The following RASAL2 variants were observed in gnomAD, a reference collection of about 807,000 sequenced individuals.
RASAL2 encodes the protein RAS protein activator like 2.
RASAL2 carries 58 observed loss-of-function variants against 128.9 expected under a neutral mutation model. The ratio of observed to expected loss-of-function variants is 0.45; its 90% CI spans 0.36 to 0.56. The LOEUF is 0.56. RASAL2 is among the 20% of genes least tolerant of loss of function. The probability of loss-of-function intolerance (pLI) is 0.00; values close to 1 mark genes in which losing one functional copy is unlikely to be tolerated. For synonymous variants in RASAL2, 561 were observed against 580.8 expected, an observed-to-expected ratio of 0.97 and a Z score of 0.49; for missense variants, 1,360 against 1,601.6, an observed-to-expected ratio of 0.85 and a Z score of 2.57.
intron 1 of RASAL2, among the ~76,000 whole-genome samples, chr1:178,096,057 A>G (rs1658669735): frequency 6.6e-6 from 1 of 152,180 alleles, no homozygotes; most frequent in South Asian, 2.1e-4. Flanking sequence ...ATGCAAGGTC[A>G]CCCAGTTTGT....
intron 1 of RASAL2, among the ~76,000 whole-genome samples, chr1:178,278,035 T>G (rs781488718): frequency 6.6e-6 from 1 of 152,182 alleles, no homozygotes; most frequent in Non-Finnish European, 1.5e-5. Context: ...AGGGTGAGGT[T>G]GGAGCAAAAG....
intron 1 of RASAL2, among the ~76,000 whole-genome samples, chr1:178,250,869 T>G (rs1426178388): frequency 6.6e-6 from 1 of 152,212 alleles, no homozygotes; most frequent in Non-Finnish European, 1.5e-5. Context: ...TCAAATGTAC[T>G]TATTTTACAG....
intron 4 of RASAL2, among the ~76,000 whole-genome samples, chr1:178,398,832 A>G: frequency 6.6e-6 from 1 of 152,004 alleles, no homozygotes; most frequent in East Asian, 1.9e-4. Context: ...CCTCTCTTCA[A>G]ATTCATTCAT....
intron 1 of RASAL2, among the ~76,000 whole-genome samples, chr1:178,108,325 C>T (rs905236362): frequency 3.3e-5 from 5 of 152,092 alleles, no homozygotes; most frequent in Admixed American, 6.6e-5. Context: ...TAGATTGTCA[C>T]TGATGGTGTT....
chr1:178,211,173 C>T (rs778800340), intron 1 of RASAL2, among the ~76,000 whole-genome samples: 9 of 152,304 alleles, frequency 5.9e-5, no homozygotes, highest in Non-Finnish European at 1.2e-4. Flanking sequence ...ACCATGCTCA[C>T]TTCTCCAGAT....
Position 178,439,427 on chromosome 1 carries a change from G to C in RASAL2, c.680G>C (p.Arg227Pro), listed in dbSNP as rs762969560. The change falls in exon 6 of 18, where the codon CGT (arginine) becomes CCT (proline). Residue 227 changes from arginine to proline, a missense_variant. Arg to Pro is a moderately radical substitution (Grantham distance 103, BLOSUM62 -2). Transcript: ENST00000367649. Reference protein sequence around the residue: ...PSLRSTDDRSRGLPKLKESRS... With the variant: ...PSLRSTDDRSPGLPKLKESRS... The stretch of plus-strand genomic sequence containing the variant: ...ATATCTTTTTCTACTTTTAGGTCTC[G>C]TGGGCTGCCTAAACTAAAAGAGTCA... 1 of 1,604,150 alleles carries C rather than the reference G, an allele frequency of 6.2e-7. No individual in the cohort carries two copies. The highest frequency in any genetic ancestry group is 8.5e-7 in the Non-Finnish European group (1 of 1,176,174).
chr1:178,466,200 A>G, intron 16 of RASAL2, 78 bp downstream of exon 16: 4 of 1,406,044 alleles, frequency 2.8e-6, no homozygotes, highest in Non-Finnish European at 3.8e-6. Flanking sequence ...CCCTGAAGGA[A>G]TGGCAGCAAA....
At chr1:178,440,212 A>T (rs746015855) in intron 6 of RASAL2, among the ~76,000 whole-genome samples, 1 of 152,066 alleles carries the variant, frequency 6.6e-6, no homozygotes, top group Non-Finnish European at 1.5e-5. Flanking sequence ...GTATTTATAC[A>T]TACATAGAAT....
intron 4 of RASAL2, among the ~76,000 whole-genome samples, chr1:178,420,266 T>C (rs903296439): frequency 2.6e-5 from 4 of 152,200 alleles, no homozygotes; most frequent in Admixed American, 6.5e-5. Context: ...AATATAAACA[T>C]TAATAAATAA....
At chr1:178,252,718 GTCTGA>G in intron 1 of RASAL2, among the ~76,000 whole-genome samples, 1 of 152,258 alleles carries the variant, frequency 6.6e-6, no homozygotes, top group African/African-American at 2.4e-5. Flanking sequence ...TTAGAAAAGG[GTCTGA>G]TGCAAGAAAA....
chr1:178,318,799 A>T (rs1668615101), intron 3 of RASAL2, among the ~76,000 whole-genome samples: 1 of 151,762 alleles, frequency 6.6e-6, no homozygotes, highest in Non-Finnish European at 1.5e-5. Context: ...TTATATTTAA[A>T]GTTAATATTG....
intron 3 of RASAL2, among the ~76,000 whole-genome samples, chr1:178,341,075 C>A (rs1279108863): frequency 6.6e-6 from 1 of 152,058 alleles, no homozygotes; most frequent in South Asian, 2.1e-4. Context: ...TCTATCTCTG[C>A]GTCAGCTGTA....
chr1:178,369,372 C>T (rs1259921236), intron 3 of RASAL2, among the ~76,000 whole-genome samples: 4 of 152,052 alleles, frequency 2.6e-5, no homozygotes, highest in Non-Finnish European at 4.4e-5. Flanking sequence ...CAGGCGTGCA[C>T]CACCACGCCT....
At chr1:178,372,003 C>T (rs1040140815) in intron 3 of RASAL2, among the ~76,000 whole-genome samples, 4 of 152,098 alleles carry the variant, frequency 2.6e-5, no homozygotes, top group Non-Finnish European at 5.9e-5. Context: ...TCTCCCTTCT[C>T]TTCTCTTATA....
intron 3 of RASAL2, among the ~76,000 whole-genome samples, chr1:178,344,504 C>A (rs1670045275): frequency 6.6e-6 from 1 of 152,160 alleles, no homozygotes; most frequent in African/African-American, 2.4e-5. Flanking sequence ...TCCAAGAGTC[C>A]TTTTATGTAG....
Position 178,478,536 on chromosome 1 carries a change from T to C in RASAL2, c.*5297T>C, listed in dbSNP as rs1226063278. On this transcript the variant is annotated 3_prime_UTR_variant, in exon 18 of 18. Transcript: ENST00000367649. Reference sequence around the variant, plus strand: ...CTCCAGGGCCTTAATAAGAGTGTGTTAACACACGACTATTTTACAATGATA... The same window carrying C: ...CTCCAGGGCCTTAATAAGAGTGTGTCAACACACGACTATTTTACAATGATA... 8.5e-5 allele frequency: 13 copies of C among 152,228 alleles called. No individual in the cohort carries two copies. 9.4% of individuals were successfully genotyped at this position (152,228 alleles called of 1,614,324 possible). A position where few individuals can be genotyped will look rare whatever the true frequency, so the allele number is the denominator to read the frequency against.
At chr1:178,157,779 G>GT (rs1661132902) in intron 1 of RASAL2, among the ~76,000 whole-genome samples, 1 of 152,132 alleles carries the variant, frequency 6.6e-6, no homozygotes, top group South Asian at 2.1e-4. Context: ...AACTATAAAA[G>GT]TAGAAAACAG....
intron 2 of RASAL2, among the ~76,000 whole-genome samples, chr1:178,292,495 G>A (rs1403753009): frequency 6.6e-6 from 1 of 152,214 alleles, no homozygotes; most frequent in Non-Finnish European, 1.5e-5. Flanking sequence ...CTTGCTGGGA[G>A]TGTCACCTTG....
chr1:178,213,611 A>G (rs1663328274), intron 1 of RASAL2, among the ~76,000 whole-genome samples: 1 of 152,152 alleles, frequency 6.6e-6, no homozygotes, highest in African/African-American at 2.4e-5. Flanking sequence ...GAGCATAAGA[A>G]GCAAGGCAAA....
Sources: allele counts gnomAD v4.1 joint callset (sites outside exome capture counted in the v4.1 genomes callset), GRCh38; gene constraint gnomAD v4.1.1; transcripts MANE v1.5; gene names NCBI Gene and HGNC (gene_info 2026-07-23, HGNC 2026-07-21).